Variants in OR5H14 observed in about 807,000 individuals in gnomAD.
OR5H14 encodes olfactory receptor 5H14.
For missense variants in OR5H14, 392 were observed against 363.9 expected, an observed-to-expected ratio of 1.08 and a Z score of -0.63; for synonymous variants, 155 against 130.6, an observed-to-expected ratio of 1.19 and a Z score of -1.28.
At position 98,150,580 on chromosome 3, in the gene OR5H14, T is replaced by C. The variant is rs578161470; in HGVS notation, c.*262T>C. 6.6e-4 allele frequency: 178 copies of C among 270,396 alleles called. 1 individual carries two copies. The highest frequency in any genetic ancestry group is 3.9e-3 in the African/African-American group (176 of 45,414). The allele number at this position is 270,396 out of a possible 1,614,324, so 16.7% of individuals were successfully genotyped here. A position where few individuals can be genotyped will look rare whatever the true frequency, so the allele number is the denominator to read the frequency against. ...AATATTGTACAGTATGGTATGTTAA[T>C]CACTGTGTCTTATAAATGCATTAAA... On this transcript the variant is annotated 3_prime_UTR_variant, in exon 2 of 2. Transcript: ENST00000641380.
rs573951108 is a variant in OR5H14 at position 98,151,351 on chromosome 3, T to C, written c.*1033T>C. The C allele has an allele frequency of 2.0e-5, 3 of 152,304 alleles. No individual in the cohort carries two copies. The South Asian group carries it at 6.2e-4, about 32-fold the overall frequency. The allele number at this position is 152,304 out of a possible 1,614,324, so 9.4% of individuals were successfully genotyped here. On this transcript the variant is annotated 3_prime_UTR_variant, in exon 2 of 2. Coordinates refer to ENST00000641380, the MANE Select transcript of OR5H14 (RefSeq NM_001005514.2). ...GGATATTTTCTACTTCAAAAAGTCC[T>C]TATTAGTCTTCTTCTCACTTCATAT...
chr3:98,147,750 G>T (rs931470291), intron 1 of OR5H14, among the ~76,000 whole-genome samples, 196 bp downstream of exon 1: 6 of 152,032 alleles, frequency 3.9e-5, no homozygotes, highest in Non-Finnish European at 4.4e-5. Context: ...TTATAAGACT[G>T]AATTGTTCCT....
chr3:98,150,025 GTT>G lies in OR5H14; in HGVS notation c.641_642del (p.Val214AlafsTer54). 6.2e-7 allele frequency: 1 copy of G among 1,612,900 alleles called. No homozygotes were observed. Among genetic ancestry groups the G allele is most frequent in the Non-Finnish European group, 8.5e-7 (1 of 1,179,520 alleles). ...GSIQVFTIGT[V>X]LISYIFVLYT... ...AATTCAAGTTTTTACCATAGGGACT[GTT>G]CTTATATCTTACATATTTGTCCTCT... On this transcript the variant is annotated frameshift_variant, in exon 2 of 2. Transcript: ENST00000641380. LOFTEE classifies it low-confidence loss of function (END_TRUNC).
rs753528497 is a variant in OR5H14, at chr3:98,150,882, T to C, written c.*564T>C. ...AATGCAATTAGGACAAAATGAGAAGTGTTTAACAGTGAAGGCACTGCCAAT... is the reference window on the plus strand; with the variant it reads ...AATGCAATTAGGACAAAATGAGAAGCGTTTAACAGTGAAGGCACTGCCAAT... On this transcript the variant is annotated 3_prime_UTR_variant, in exon 2 of 2. Coordinates refer to ENST00000641380, the MANE Select transcript of OR5H14 (RefSeq NM_001005514.2). 8 of 152,296 alleles carry C rather than the reference T, an allele frequency of 5.3e-5. No homozygotes were observed. Among genetic ancestry groups the C allele is most frequent in the Non-Finnish European group, 1.2e-4 (8 of 68,172 alleles). The allele number at this position is 152,296 out of a possible 1,614,324, so 9.4% of individuals were successfully genotyped here.
Position 98,148,851 on chromosome 3 carries a change from G to A in OR5H14, c.-18-517G>A, listed in dbSNP as rs1380504902. Among the ~76,000 whole-genome samples, 3 of 151,852 alleles carry A rather than the reference G, an allele frequency of 2.0e-5. No homozygotes were observed. The East Asian group carries it at 5.8e-4, about 29-fold the overall frequency. On this transcript the variant is annotated intron_variant, in intron 1 of 1. Transcript: ENST00000641380. ...ATAATTTTTATGTGTGATCTGGTTTGGGATTGCTGGAACCTTAGTAACAAG... is the reference window on the plus strand; with the variant it reads ...ATAATTTTTATGTGTGATCTGGTTTAGGATTGCTGGAACCTTAGTAACAAG...
In OR5H14 at chr3:98,149,920, T is replaced by A; in HGVS notation, c.535T>A (p.Cys179Ser). The A allele has an allele frequency of 1.2e-6, 2 of 1,613,490 alleles. No individual in the cohort carries two copies. The highest frequency in any genetic ancestry group is 1.7e-6 in the Non-Finnish European group (2 of 1,179,712). The change falls in exon 2 of 2, where the codon TGT becomes AGT. Residue 179 changes from cysteine to serine, a missense_variant. By Grantham distance (112) the Cys-to-Ser change is moderately radical (BLOSUM62 -1). Coordinates refer to ENST00000641380, the MANE Select transcript of OR5H14 (RefSeq NM_001005514.2). The part of the protein sequence containing the change: ...CNSNIIQHFY[C>S]DIIPLLKISY... Reference sequence around the variant, plus strand: ...CTCCAACATAATACAACACTTTTACTGTGACATTATCCCATTGTTAAAGAT... The same window carrying A: ...CTCCAACATAATACAACACTTTTACAGTGACATTATCCCATTGTTAAAGAT...
At position 98,154,631 on chromosome 3, in the gene OR5H14, G is replaced by T. The variant is rs4997990; in HGVS notation, c.*4313G>T. The T allele has an allele frequency of 0.18, 26,458 of 148,886 alleles. No homozygotes were observed. Among genetic ancestry groups the T allele is most frequent in the East Asian group, 0.37 (1,849 of 5,018 alleles). 9.2% of individuals were successfully genotyped at this position (148,886 alleles called of 1,614,324 possible). On this transcript the variant is annotated 3_prime_UTR_variant, in exon 2 of 2. Coordinates refer to ENST00000641380, the MANE Select transcript of OR5H14 (RefSeq NM_001005514.2). The stretch of plus-strand genomic sequence containing the variant: ...GCAAAAGGCTTAGTAGATGCAGAGT[G>T]ACAAGATAGAGTATGATAGAATGAA...
chr3:98,150,257 G>T lies in OR5H14; in HGVS notation c.872G>T (p.Ser291Ile). Residue 291 changes from serine to isoleucine, a missense_variant, in exon 2 of 2, where the codon AGC (serine) becomes ATC (isoleucine). Ser to Ile is a moderately radical substitution (Grantham distance 142). Transcript: ENST00000641380. ...IVPLLNPMIY[S>I]LRNKQVIASF... ...CCTTTATTAAATCCCATGATCTACA[G>T]CCTGAGAAACAAGCAAGTAATAGCT... 6.2e-7 allele frequency: 1 copy of T among 1,603,906 alleles called. No individual in the cohort carries two copies. The highest frequency in any genetic ancestry group is 8.5e-7 in the Non-Finnish European group (1 of 1,176,620).
Position 98,154,738 on chromosome 3 carries a change from A to T in OR5H14, c.*4420A>T, listed in dbSNP as rs1708561374. On this transcript the variant is annotated 3_prime_UTR_variant, in exon 2 of 2. Transcript: ENST00000641380. ...TTATGACAGTGAATCTGAAATAAGAAAATCAGGCAGTGCTTCTAATCTCCA... is the reference window on the plus strand; with the variant it reads ...TTATGACAGTGAATCTGAAATAAGATAATCAGGCAGTGCTTCTAATCTCCA... 6.6e-6 allele frequency: 1 copy of T among 152,352 alleles called. No individual in the cohort carries two copies. The highest frequency in any genetic ancestry group is 1.9e-4 in the East Asian group (1 of 5,194). The allele number at this position is 152,352 out of a possible 1,614,324, so 9.4% of individuals were successfully genotyped here.
In OR5H14 at chr3:98,150,053, A is replaced by T. The variant is rs1419347674; in HGVS notation, c.668A>T (p.Tyr223Phe). ...CTTATATCTTACATATTTGTCCTCT[A>T]TACAATCTTGAAAAAGAAGTCTGTC... ...TVLISYIFVL[Y>F]TILKKKSVKG... The change falls in exon 2 of 2, where the codon TAT becomes TTT. Residue 223 changes from tyrosine to phenylalanine, a missense_variant. Physicochemically the swap from Tyr to Phe is conservative, Grantham distance 22. Coordinates refer to ENST00000641380, the MANE Select transcript of OR5H14 (RefSeq NM_001005514.2). 6.8e-6 allele frequency: 11 copies of T among 1,611,712 alleles called. No homozygotes were observed. In the East Asian group the frequency reaches 2.5e-4, roughly 36 times the overall value.
rs1402363748 is a variant in OR5H14, at chr3:98,155,082, A to C, written c.*4764A>C. The C allele has an allele frequency of 1.3e-5, 2 of 152,192 alleles. No homozygotes were observed. Among genetic ancestry groups the C allele is most frequent in the East Asian group, 3.8e-4 (2 of 5,206 alleles). 9.4% of individuals were successfully genotyped at this position (152,192 alleles called of 1,614,324 possible). On this transcript the variant is annotated 3_prime_UTR_variant, in exon 2 of 2. Coordinates refer to ENST00000641380, the MANE Select transcript of OR5H14 (RefSeq NM_001005514.2). ...TGATAAATCAGCTGGCAACATTCAG[A>C]ATGGTAAAAGGACTCCTCTAGTTTT...
In OR5H14 at chr3:98,149,842, C is replaced by A. The variant is rs770102430; in HGVS notation, c.457C>A (p.Leu153Ile). The change falls in exon 2 of 2, where the codon CTT becomes ATT. Residue 153 changes from leucine to isoleucine, a missense_variant. Leu to Ile is a conservative substitution (Grantham distance 5). Transcript: ENST00000641380. ...RLLILSYVGG[L>I]LHALIHEGFL... ...ATTAATCTTGTCATATGTAGGTGGT[C>A]TTCTTCATGCTTTAATCCATGAAGG... The A allele has an allele frequency of 1.5e-5, 24 of 1,612,998 alleles. No homozygotes were observed. The highest frequency in any genetic ancestry group is 3.3e-5 in the Admixed American group (2 of 59,928).
rs74369312 is a variant in OR5H14 at position 98,154,460 on chromosome 3, A to G, written c.*4142A>G. The G allele has an allele frequency of 0.18, 26,522 of 149,258 alleles. No individual in the cohort carries two copies. The highest frequency in any genetic ancestry group is 0.37 in the East Asian group (1,848 of 5,012). The allele number at this position is 149,258 out of a possible 1,614,324, so 9.2% of individuals were successfully genotyped here. On this transcript the variant is annotated 3_prime_UTR_variant, in exon 2 of 2. Transcript: ENST00000641380. ...ATGTCTGGCACTTTTGTTTGGGACA[A>G]GGATATTTTTCCCTATTGCTCTCAG...
At position 98,151,031 on chromosome 3, in the gene OR5H14, C is replaced by A. The variant is rs986601395; in HGVS notation, c.*713C>A. 13 of 151,968 alleles carry A rather than the reference C, an allele frequency of 8.6e-5. No homozygotes were observed. The highest frequency in any genetic ancestry group is 2.6e-4 in the Admixed American group (4 of 15,246). The allele number at this position is 151,968 out of a possible 1,614,324, so 9.4% of individuals were successfully genotyped here. On this transcript the variant is annotated 3_prime_UTR_variant, in exon 2 of 2. Coordinates refer to ENST00000641380, the MANE Select transcript of OR5H14 (RefSeq NM_001005514.2). ...AGCTGTGATTGTGTTTTCAGAGAAT[C>A]TGAAAAGCTTCCCTAAATCAGAAAA...
In OR5H14 at chr3:98,153,006, C is replaced by T. The variant is rs534022345; in HGVS notation, c.*2688C>T. On this transcript the variant is annotated 3_prime_UTR_variant, in exon 2 of 2. Coordinates refer to ENST00000641380, the MANE Select transcript of OR5H14 (RefSeq NM_001005514.2). ...AGGCACATGGAGCACTTTCTCACCA[C>T]CAGAGCTTGTCTTTGTCTCAGCATG... 10 of 152,246 alleles carry T rather than the reference C, an allele frequency of 6.6e-5. No individual in the cohort carries two copies. In the East Asian group the frequency reaches 1.9e-3, roughly 29 times the overall value. The allele number at this position is 152,246 out of a possible 1,614,324, so 9.4% of individuals were successfully genotyped here.
At chr3:98,148,404 A>G (rs1708450566) in intron 1 of OR5H14, among the ~76,000 whole-genome samples, 1 of 152,000 alleles carries the variant, frequency 6.6e-6, no homozygotes, top group African/African-American at 2.4e-5. Context: ...TTTGACTATC[A>G]CAATAATTCC....
Position 98,150,501 on chromosome 3 carries a change from G to C in OR5H14, c.*183G>C, listed in dbSNP as rs1034481979. 6.9e-6 allele frequency: 3 copies of C among 435,498 alleles called. No homozygotes were observed. In the South Asian group the frequency reaches 1.9e-4, roughly 28 times the overall value. The allele number at this position is 435,498 out of a possible 1,614,324, so 27.0% of individuals were successfully genotyped here. On this transcript the variant is annotated 3_prime_UTR_variant, in exon 2 of 2. Coordinates refer to ENST00000641380, the MANE Select transcript of OR5H14 (RefSeq NM_001005514.2). ...ATTCCTATGTTATTCAAAAGGATTTGAGAAATTTTAATCAAGTCTTCATAA... is the reference window on the plus strand; with the variant it reads ...ATTCCTATGTTATTCAAAAGGATTTCAGAAATTTTAATCAAGTCTTCATAA...
rs1271533121 is a variant in OR5H14 at position 98,155,560 on chromosome 3, T to A, written c.*5242T>A. 1 of 152,236 alleles carries A rather than the reference T, an allele frequency of 6.6e-6. No individual in the cohort carries two copies. Among genetic ancestry groups the A allele is most frequent in the East Asian group, 1.9e-4 (1 of 5,206 alleles). The allele number at this position is 152,236 out of a possible 1,614,324, so 9.4% of individuals were successfully genotyped here. ...ATTGCAAGATTGTCTTTGTTTTTAT[T>A]TTTTCCTCCCCCTGATGTTTGCCTG... On this transcript the variant is annotated 3_prime_UTR_variant, in exon 2 of 2. Transcript: ENST00000641380.
rs778091590 is a variant in OR5H14 at position 98,150,021 on chromosome 3, G to T, written c.636G>T (p.Gly212=). ...FAGSIQVFTI[G]TVLISYIFVL... is the part of the protein sequence containing the mutation. ...GTTCAATTCAAGTTTTTACCATAGG[G>T]ACTGTTCTTATATCTTACATATTTG... The change falls in exon 2 of 2, where the codon GGG becomes GGT. Residue 212 remains glycine (G), a synonymous_variant. Transcript: ENST00000641380. The T allele has an allele frequency of 6.2e-7, 1 of 1,612,952 alleles. No individual in the cohort carries two copies. The highest frequency in any genetic ancestry group is 1.1e-5 in the South Asian group (1 of 91,022).
Sources: allele counts gnomAD v4.1 joint callset (sites outside exome capture counted in the v4.1 genomes callset), GRCh38; gene constraint gnomAD v4.1.1; transcripts MANE v1.5; gene names NCBI Gene and HGNC (gene_info 2026-07-23, HGNC 2026-07-21).